The following ZNF106 variants were observed in gnomAD, a reference collection of about 807,000 sequenced individuals.
ZNF106 encodes SH3-domain binding protein 3.
In ZNF106, 67 loss-of-function variants were observed where a neutral mutation model predicts 195.1. The ratio of observed to expected loss-of-function variants is 0.34; its 90% confidence interval spans 0.28 to 0.42. The LOEUF (loss-of-function observed/expected upper bound fraction) is 0.42, where lower values mean the gene tolerates loss of function less well. Among genes scored for constraint, ZNF106 ranks in the 10% least tolerant of loss-of-function variants. The pLI, the probability that ZNF106 is intolerant of heterozygous loss-of-function variation, is 1.00. For synonymous variants in ZNF106, 784 were observed against 818.6 expected (o/e 0.96, Z 0.72); for missense variants, 2,118 against 2,304.5 (o/e 0.92, Z 1.66).
In ZNF106 at chr15:42,423,962, T is replaced by C. The variant is rs776751807; in HGVS notation, c.5253+36A>G. The C allele has an allele frequency of 2.5e-6, 4 of 1,568,956 alleles. No individual in the cohort carries two copies. The South Asian group carries it at 4.7e-5, about 19-fold the overall frequency. On this transcript the variant is annotated intron_variant, in intron 17 of 21. Transcript: ENST00000564754. ...CCATCAAGCTTTAACCATTATTTTA[T>C]TCACAGTTTCTTTACACAACACCAA...
rs1184094353 is a variant in ZNF106 at position 42,416,159 on chromosome 15, G to A, written c.*1145C>T. 1 of 152,258 alleles carries A rather than the reference G, an allele frequency of 6.6e-6. No individual in the cohort carries two copies. Among genetic ancestry groups the A allele is most frequent in the African/African-American group, 2.4e-5 (1 of 41,466 alleles). 9.4% of individuals were successfully genotyped at this position (152,258 alleles called of 1,614,324 possible). A position where few individuals can be genotyped will look rare whatever the true frequency, so the allele number is the denominator to read the frequency against. On this transcript the variant is annotated 3_prime_UTR_variant, in exon 22 of 22. Coordinates refer to ENST00000564754, the MANE Select transcript of ZNF106 (RefSeq NM_001366845.3). ...GGGTTTGTGAATTTGGCTGTTCTCA[G>A]TGGCCAGGCAGAGTCTCTGCTCCAC...
rs1461525467 is a variant in ZNF106 at position 42,487,023 on chromosome 15, G to A, written c.-33+3957C>T. On this transcript the variant is annotated intron_variant, in intron 1 of 21. Transcript: ENST00000564754. ...AAATTAGCCAGGCATGGTGGCAGGT[G>A]CCTGTAATCCCAGCTACTCGGGAGG... Among the ~76,000 whole-genome samples, 4 of 151,868 alleles carry A rather than the reference G, an allele frequency of 2.6e-5. No homozygotes were observed. In the East Asian group the frequency reaches 5.8e-4, roughly 22 times the overall value.
chr15:42,477,187 A>G (rs2056803143), intron 1 of ZNF106, among the ~76,000 whole-genome samples: 1 of 152,042 alleles, frequency 6.6e-6, no homozygotes, highest in Non-Finnish European at 1.5e-5. Flanking sequence ...TGCTGTCTTT[A>G]TTACCTTTCA....
At chr15:42,454,755 G>T (rs895469941) in intron 4 of ZNF106, among the ~76,000 whole-genome samples, 2 of 151,570 alleles carry the variant, frequency 1.3e-5, no homozygotes, top group African/African-American at 2.4e-5. Flanking sequence ...AATTAGCCAC[G>T]CATGGTGGCG....
At chr15:42,490,701 T>A (rs1595507190) in intron 1 of ZNF106, among the ~76,000 whole-genome samples, 1 of 152,262 alleles carries the variant, frequency 6.6e-6, no homozygotes, top group South Asian at 2.1e-4. Context: ...GTCAGTGGCT[T>A]CCCCTAAAGG....
Position 42,449,839 on chromosome 15 carries a change from A to G in ZNF106, c.2433T>C (p.Asn811=), listed in dbSNP as rs760665851. 18 of 1,614,006 alleles carry G rather than the reference A, an allele frequency of 1.1e-5. No individual in the cohort carries two copies. In the Admixed American group the frequency reaches 3.0e-4, roughly 27 times the overall value. Residue 811 remains asparagine (N), a synonymous_variant, in exon 5 of 22, where the codon AAT becomes AAC. Coordinates refer to ENST00000564754, the MANE Select transcript of ZNF106 (RefSeq NM_001366845.3). ...GCTGAATGACCTGTTCCCAGTTGAC[A>G]TTTCTCCGAGATGCATTTAGAATCT... ...LRQILNASRR[N]VNWEQVIQQV...
At chr15:42,471,997 G>A (rs1010540427) in intron 2 of ZNF106, among the ~76,000 whole-genome samples, 1 of 152,022 alleles carries the variant, frequency 6.6e-6, no homozygotes, top group Admixed American at 6.6e-5. Flanking sequence ...TTTTGAATAC[G>A]CTCAAATTCT....
At chr15:42,425,237 T>C (rs963545781) in intron 15 of ZNF106, among the ~76,000 whole-genome samples, 19 of 152,326 alleles carry the variant, frequency 1.2e-4, no homozygotes, top group African/African-American at 4.6e-4. Context: ...GGCAAACGCT[T>C]ACATTATAAA....
At chr15:42,480,390 T>C (rs1320947081) in intron 1 of ZNF106, among the ~76,000 whole-genome samples, 1 of 152,212 alleles carries the variant, frequency 6.6e-6, no homozygotes, top group African/African-American at 2.4e-5. Context: ...TATGCTACTT[T>C]GTATGATCTT....
rs1236311713 is a variant in ZNF106 at position 42,457,129 on chromosome 15, C to T, written c.146G>A (p.Gly49Glu). 4.3e-6 allele frequency: 7 copies of T among 1,614,010 alleles called. No individual in the cohort carries two copies. Among genetic ancestry groups the T allele is most frequent in the African/African-American group, 1.3e-5 (1 of 74,912 alleles). Residue 49 changes from glycine to glutamate, a missense_variant, in exon 4 of 22, where the codon GGG becomes GAG. Coordinates refer to ENST00000564754, the MANE Select transcript of ZNF106 (RefSeq NM_001366845.3). ...TGCAGAAAGACCCACTTCTGTGACC[C>T]CGCACACTCGGCACTCATGACTAAT... ...RDISHECRVC[G>E]VTEVGLSAYA...
chr15:42,442,283 G>C lies in ZNF106; in HGVS notation c.3553C>G (p.Pro1185Ala). 6.2e-7 allele frequency: 1 copy of C among 1,614,108 alleles called. No individual in the cohort carries two copies. Among genetic ancestry groups the C allele is most frequent in the Middle Eastern group, 1.6e-4 (1 of 6,062 alleles). ...GATGGAGACACATGGGAAGATGGAG[G>C]CTCCAGAAAAAGTGGGAAAAAGGGA... Reference protein sequence around the residue: ...PTPFFPLFLEPPSSHVSPSPT... With the variant: ...PTPFFPLFLEAPSSHVSPSPT... The change falls in exon 10 of 22, where the codon CCT becomes GCT. Residue 1185 changes from proline to alanine, a missense_variant. Physicochemically the swap from Pro to Ala is conservative, Grantham distance 27 (BLOSUM62 -1). Transcript: ENST00000564754.
At chr15:42,419,862 A>T (rs2054594694) in intron 20 of ZNF106, among the ~76,000 whole-genome samples, 1 of 152,168 alleles carries the variant, frequency 6.6e-6, no homozygotes, top group African/African-American at 2.4e-5. Context: ...AGGCAGGAGA[A>T]TCGCTTGAAC....
At position 42,486,205 on chromosome 15, in the gene ZNF106, A is replaced by C. The variant is rs570955499; in HGVS notation, c.-33+4775T>G. Among the ~76,000 whole-genome samples, 807 of 151,402 alleles carry C rather than the reference A, an allele frequency of 5.3e-3. 4 individuals carry two copies. The highest frequency in any genetic ancestry group is 6.9e-3 in the Middle Eastern group (2 of 288). The stretch of plus-strand genomic sequence containing the variant: ...GATCCCTTGACCTCGTGATCCGCCC[A>C]CCTCAGCCTCCCAAAGTGCTGGGAC... On this transcript the variant is annotated intron_variant, in intron 1 of 21. Transcript: ENST00000564754.
At chr15:42,446,518 CA>C in intron 7 of ZNF106, 70 bp downstream of exon 7, 11 of 1,287,344 alleles carry the variant, frequency 8.5e-6, no homozygotes, top group African/African-American at 3.0e-5. Flanking sequence ...TGGAGGTTAC[CA>C]AAAACCCGCA....
In ZNF106 at chr15:42,444,830, C is replaced by T; in HGVS notation, c.3357G>A (p.Gln1119=). The T allele has an allele frequency of 6.2e-7, 1 of 1,613,162 alleles. No homozygotes were observed. The highest frequency in any genetic ancestry group is 1.7e-4 in the Middle Eastern group (1 of 6,052). The change falls in exon 8 of 22, where the codon CAG becomes CAA. Residue 1119 remains glutamine (Q), a synonymous_variant. Coordinates refer to ENST00000564754, the MANE Select transcript of ZNF106 (RefSeq NM_001366845.3). ...VEVQRLLMLK[Q]QITMEMSALR... ...TAAATCCTCCACATGCTGTTACCTGCTGCTTGAGCATAAGTAGCCTCTGAA... is the reference window on the plus strand; with the variant it reads ...TAAATCCTCCACATGCTGTTACCTGTTGCTTGAGCATAAGTAGCCTCTGAA...
chr15:42,417,636 T>C (rs994241541), intron 21 of ZNF106, among the ~76,000 whole-genome samples, 169 bp downstream of exon 21: 9 of 152,230 alleles, frequency 5.9e-5, no homozygotes, highest in Non-Finnish European at 1.0e-4. Flanking sequence ...ATGACCTAAT[T>C]CTTCATTTGC....
intron 1 of ZNF106, among the ~76,000 whole-genome samples, chr15:42,481,362 T>C (rs1212096717): frequency 7.1e-6 from 1 of 141,204 alleles, no homozygotes; most frequent in Non-Finnish European, 1.5e-5. Flanking sequence ...TTGTTGTTTT[T>C]TTTTTTTTTT....
intron 11 of ZNF106, 104 bp from the exon 12 acceptor site, chr15:42,438,771 T>C (rs569855642): frequency 6.7e-6 from 7 of 1,039,846 alleles, no homozygotes; most frequent in African/African-American, 3.2e-5. Flanking sequence ...ATGGGCAAAG[T>C]AGCAATGATA....
In ZNF106 at chr15:42,446,570, A is replaced by G. The variant is rs1304119864; in HGVS notation, c.3205+19T>C. The G allele has an allele frequency of 6.4e-7, 1 of 1,574,688 alleles. No individual in the cohort carries two copies. The highest frequency in any genetic ancestry group is 8.6e-7 in the Non-Finnish European group (1 of 1,156,724). ...CAAAAAACACCAACTTCTTTCTTCC[A>G]AAATATTCTGCACCATACCTTTTTT... On this transcript the variant is annotated intron_variant, in intron 7 of 21. Transcript: ENST00000564754.
Sources: allele counts gnomAD v4.1 joint callset (sites outside exome capture counted in the v4.1 genomes callset), GRCh38; gene constraint gnomAD v4.1.1; transcripts MANE v1.5; gene names NCBI Gene and HGNC (gene_info 2026-07-23, HGNC 2026-07-21).